Variants in ASAP1 observed in about 807,000 individuals in gnomAD.
ASAP1 encodes the protein arf-GAP with SH3 domain, ANK repeat and PH domain-containing protein 1.
Under a neutral mutation model 145.2 loss-of-function variants are expected in ASAP1, and 43 were observed. That is an observed-to-expected ratio of 0.30 (90% confidence interval 0.23 to 0.38). The LOEUF is 0.38. ASAP1 is among the 10% of genes least tolerant of loss of function. The pLI is 1.00. For synonymous variants in ASAP1, 546 were observed against 515.5 expected (o/e 1.06, Z -0.80); for missense variants, 1,018 against 1,355.3 (o/e 0.75, Z 3.91).
intron 3 of ASAP1, among the ~76,000 whole-genome samples, chr8:130,302,866 T>C (rs768294525): frequency 6.6e-6 from 1 of 152,180 alleles, no homozygotes; most frequent in Non-Finnish European, 1.5e-5. Flanking sequence ...GACAATCAGA[T>C]GGAAAGTTCT....
intron 3 of ASAP1, among the ~76,000 whole-genome samples, chr8:130,280,431 C>T (rs947470142): frequency 2.0e-5 from 3 of 152,222 alleles, no homozygotes; most frequent in African/African-American, 7.2e-5. Context: ...GACAACTAGT[C>T]CTCACAAATC....
intron 15 of ASAP1, among the ~76,000 whole-genome samples, chr8:130,133,030 T>C (rs1478690812): frequency 6.6e-6 from 1 of 152,124 alleles, no homozygotes; most frequent in Non-Finnish European, 1.5e-5. Flanking sequence ...ATGAGCAGAA[T>C]TCTGTGGCTC....
At chr8:130,341,072 G>A (rs1215061897) in intron 3 of ASAP1, 3 of 361,272 alleles carry the variant, frequency 8.3e-6, no homozygotes, top group African/African-American at 2.1e-5. Context: ...GTGGCTGTGA[G>A]GGTGCTTACA....
chr8:130,110,517 A>C (rs890137465), intron 24 of ASAP1, among the ~76,000 whole-genome samples: 1 of 152,224 alleles, frequency 6.6e-6, no homozygotes, highest in Non-Finnish European at 1.5e-5. Flanking sequence ...GCAACACAGC[A>C]TTCTTACACT....
chr8:130,278,174 A>G (rs752117268), intron 3 of ASAP1, among the ~76,000 whole-genome samples: 3 of 152,210 alleles, frequency 2.0e-5, no homozygotes, highest in Non-Finnish European at 4.4e-5. Flanking sequence ...TAGACAGCAT[A>G]AAGGGAATGA....
At chr8:130,214,102 C>G (rs916019253) in intron 5 of ASAP1, among the ~76,000 whole-genome samples, 3 of 152,094 alleles carry the variant, frequency 2.0e-5, no homozygotes, top group Non-Finnish European at 2.9e-5. Flanking sequence ...ATATCAGAAA[C>G]CAAAATGCAT....
chr8:130,179,186 T>G, intron 9 of ASAP1, 78 bp downstream of exon 9: 1 of 843,042 alleles, frequency 1.2e-6, no homozygotes, highest in Non-Finnish European at 1.9e-6. Flanking sequence ...AGAAAAGATA[T>G]GAAGAGGATT....
chr8:130,342,276 A>T (rs1825433787), intron 3 of ASAP1, among the ~76,000 whole-genome samples: 1 of 152,168 alleles, frequency 6.6e-6, no homozygotes, highest in South Asian at 2.1e-4. Context: ...CCCTGACTGC[A>T]CATCCTCGTC....
intron 3 of ASAP1, among the ~76,000 whole-genome samples, chr8:130,242,525 A>T (rs950247561): frequency 6.6e-6 from 1 of 152,034 alleles, no homozygotes; most frequent in Non-Finnish European, 1.5e-5. Context: ...TTGGGCAATC[A>T]TGCTACCTTG....
intron 3 of ASAP1, among the ~76,000 whole-genome samples, chr8:130,303,110 A>C (rs1197682138): frequency 6.6e-6 from 1 of 152,232 alleles, no homozygotes; most frequent in African/African-American, 2.4e-5. Context: ...GCCTGGAGAC[A>C]GAGGCTCCAG....
chr8:130,401,392 CA>C (rs34126425), intron 2 of ASAP1, among the ~76,000 whole-genome samples: 5,217 of 152,196 alleles, frequency 0.034, 124 homozygotes, highest in Middle Eastern at 0.075. Context: ...ATTACAGTCA[CA>C]TGCTACCACA....
At chr8:130,294,761 A>T (rs1231153754) in intron 3 of ASAP1, among the ~76,000 whole-genome samples, 3 of 152,242 alleles carry the variant, frequency 2.0e-5, no homozygotes, top group Non-Finnish European at 4.4e-5. Context: ...ACAAAAGGCC[A>T]ATTCTAGCAG....
At chr8:130,421,211 C>T (rs1565302375) in intron 1 of ASAP1, among the ~76,000 whole-genome samples, 1 of 152,196 alleles carries the variant, frequency 6.6e-6, no homozygotes, top group Non-Finnish European at 1.5e-5. Flanking sequence ...AAAAAAATCA[C>T]AGTGTCTAGA....
chr8:130,342,991 C>A (rs1825481243), intron 3 of ASAP1, among the ~76,000 whole-genome samples: 1 of 152,166 alleles, frequency 6.6e-6, no homozygotes, highest in Non-Finnish European at 1.5e-5. Context: ...GTGAAAGATA[C>A]TTACTAAGCC....
At chr8:130,079,229 A>G (rs981321820) in intron 26 of ASAP1, among the ~76,000 whole-genome samples, 7 of 152,130 alleles carry the variant, frequency 4.6e-5, no homozygotes, top group African/African-American at 1.7e-4. Context: ...CATCTTTCAG[A>G]AACTCTGGAT....
chr8:130,259,064 GA>G (rs984270083), intron 3 of ASAP1, among the ~76,000 whole-genome samples: 18 of 148,928 alleles, frequency 1.2e-4, no homozygotes, highest in African/African-American at 3.9e-4. Context: ...ACTCTTTAAA[GA>G]AAAAAAAAAT....
intron 3 of ASAP1, 70 bp downstream of exon 3, chr8:130,357,947 G>T: frequency 6.6e-7 from 1 of 1,523,070 alleles, no homozygotes. Context: ...CTCCCAGCTC[G>T]GAGAGGAGAT....
In ASAP1 at chr8:130,152,845, T is replaced by C. The variant is rs761803048; in HGVS notation, c.1011-40A>G. On this transcript the variant is annotated intron_variant, in intron 12 of 29. Coordinates refer to ENST00000518721, the MANE Select transcript of ASAP1 (RefSeq NM_018482.4). ...AAACACAACTAGATATAGTAACTGA[T>C]TCACTCTGGGACATGCGACGATACA... 1.4e-5 allele frequency: 20 copies of C among 1,455,100 alleles called. No individual in the cohort carries two copies. The East Asian group carries it at 3.4e-4, about 25-fold the overall frequency. The allele number at this position is 1,455,100 out of a possible 1,614,324, so 90.1% of individuals were successfully genotyped here. A position where few individuals can be genotyped will look rare whatever the true frequency, so the allele number is the denominator to read the frequency against.
chr8:130,138,620 T>C (rs1272246418), intron 13 of ASAP1, among the ~76,000 whole-genome samples: 1 of 152,162 alleles, frequency 6.6e-6, no homozygotes, highest in African/African-American at 2.4e-5. Context: ...GTGGATCACC[T>C]GAGGTCGGGA....
Sources: gnomAD v4.1 joint callset for allele counts (sites outside exome capture counted in the v4.1 genomes callset) on GRCh38, gnomAD v4.1.1 for gene constraint, MANE v1.5 for transcripts, NCBI Gene and HGNC (gene_info 2026-07-23, HGNC 2026-07-21) for gene names.